Variants in C10orf67 observed in about 807,000 individuals in gnomAD.
The protein encoded by C10orf67 is chromosome 10 open reading frame 67, also known as uncharacterized protein C10orf67, mitochondrial.
A neutral mutation model predicts 35.6 loss-of-function variants in C10orf67; 60 were observed. The observed-to-expected ratio is 1.68, with a 90% CI of 1.37 to 2.09. The LOEUF (loss-of-function observed/expected upper bound fraction) is 2.09. C10orf67 is among the 30% of genes most tolerant of loss of function. The pLI is 0.00. For synonymous variants in C10orf67, 167 were observed against 115.8 expected, an observed-to-expected ratio of 1.44 and a Z score of -2.84; for missense variants, 474 against 330.2, an observed-to-expected ratio of 1.44 and a Z score of -3.38.
intron 13 of C10orf67, among the ~76,000 whole-genome samples, chr10:23,231,215 A>G (rs758659790): frequency 6.6e-6 from 1 of 152,132 alleles, no homozygotes; most frequent in Non-Finnish European, 1.5e-5. Context: ...ATAGACAGAG[A>G]GCACCTTTCT....
intron 10 of C10orf67, among the ~76,000 whole-genome samples, chr10:23,264,607 C>T (rs532136808): frequency 1.3e-5 from 2 of 152,256 alleles, no homozygotes; most frequent in Non-Finnish European, 2.9e-5. Context: ...TATCTCTGCC[C>T]CTTGTGGCTG....
At chr10:23,287,168 G>C (rs565664350) in intron 7 of C10orf67, among the ~76,000 whole-genome samples, 1 of 152,226 alleles carries the variant, frequency 6.6e-6, no homozygotes, top group East Asian at 1.9e-4. Context: ...GTACAGCCAA[G>C]ACAATCCTAA....
At chr10:23,248,671 A>T (rs1481394216) in intron 12 of C10orf67, among the ~76,000 whole-genome samples, 1 of 152,350 alleles carries the variant, frequency 6.6e-6, no homozygotes, top group South Asian at 2.1e-4. Flanking sequence ...ATTAATCTCC[A>T]TATCACACCA....
At chr10:23,309,050 G>A (rs886628432) in intron 4 of C10orf67, among the ~76,000 whole-genome samples, 2 of 151,942 alleles carry the variant, frequency 1.3e-5, no homozygotes, top group African/African-American at 4.8e-5. Context: ...AATAGGTTGG[G>A]TTTATTTTAC....
intron 13 of C10orf67, among the ~76,000 whole-genome samples, chr10:23,227,311 A>C (rs1841768260): frequency 6.6e-6 from 1 of 152,364 alleles, no homozygotes; most frequent in African/African-American, 2.4e-5. Context: ...GTAATCCAGC[A>C]TATAAACAGA....
intron 10 of C10orf67, among the ~76,000 whole-genome samples, chr10:23,258,791 T>C (rs1842671462): frequency 6.6e-6 from 1 of 152,224 alleles, no homozygotes; most frequent in Non-Finnish European, 1.5e-5. Flanking sequence ...CCCCCAGGAA[T>C]ATGGAACATG....
At chr10:23,261,795 C>A (rs1429349687) in intron 10 of C10orf67, among the ~76,000 whole-genome samples, 1 of 151,798 alleles carries the variant, frequency 6.6e-6, no homozygotes, top group Non-Finnish European at 1.5e-5. Context: ...ATAGATGAAT[C>A]AATAAGAGGA....
intron 10 of C10orf67, among the ~76,000 whole-genome samples, chr10:23,265,804 G>C (rs540006513): frequency 6.6e-6 from 1 of 152,322 alleles, no homozygotes; most frequent in African/African-American, 2.4e-5. Flanking sequence ...GGGAAAGGTA[G>C]AAAAGGAGAG....
intron 8 of C10orf67, among the ~76,000 whole-genome samples, chr10:23,281,614 G>C (rs947919439): frequency 6.6e-6 from 1 of 152,236 alleles, no homozygotes; most frequent in African/African-American, 2.4e-5. Context: ...TTTCTTATGA[G>C]ACTAACACAG....
In C10orf67 at chr10:23,344,604, C is replaced by A; in HGVS notation, c.171G>T (p.Arg57=). ...CGCGCATTTGCGGGGGCTTGAATTC[C>A]CGAGCTTCTCGCTTCCTACGCGCGC... The part of the protein sequence containing the change: ...VCCARRKREA[R]EFKPPQMRGS... The change falls in exon 1 of 16, where the codon CGG becomes CGT. Residue 57 remains arginine, a synonymous_variant. Transcript: ENST00000636213. The A allele has an allele frequency of 6.3e-7, 1 of 1,581,872 alleles. No homozygotes were observed. The highest frequency in any genetic ancestry group is 1.8e-5 in the Admixed American group (1 of 55,180).
intron 5 of C10orf67, among the ~76,000 whole-genome samples, chr10:23,300,629 A>C (rs1274635741): frequency 1.3e-5 from 2 of 152,200 alleles, no homozygotes; most frequent in African/African-American, 2.4e-5. Context: ...CCAGAAAGGC[A>C]GTAGGATTTT....
chr10:23,297,868 A>T (rs1222562182), intron 5 of C10orf67, among the ~76,000 whole-genome samples: 1 of 152,202 alleles, frequency 6.6e-6, no homozygotes, highest in Non-Finnish European at 1.5e-5. Context: ...AGCCATTCAC[A>T]TCGTAAGATA....
intron 8 of C10orf67, among the ~76,000 whole-genome samples, chr10:23,276,200 C>T (rs944959557): frequency 7.9e-5 from 12 of 152,146 alleles, no homozygotes; most frequent in African/African-American, 2.9e-4. Flanking sequence ...GGATAATCCA[C>T]TCCTCTTTTC....
At chr10:23,330,613 G>T (rs542905095) in intron 2 of C10orf67, among the ~76,000 whole-genome samples, 2 of 151,728 alleles carry the variant, frequency 1.3e-5, no homozygotes, top group African/African-American at 4.8e-5. Flanking sequence ...GGTGGCCGGC[G>T]CCTGTAGTCC....
intron 9 of C10orf67, 146 bp from the exon 10 acceptor site, chr10:23,266,572 C>G (rs1200417498): frequency 1.0e-5 from 4 of 395,574 alleles, no homozygotes; most frequent in East Asian, 7.2e-5. Context: ...TTCTTGCTCC[C>G]AGGCCCACAA....
rs370222064 is a variant in C10orf67 at position 23,228,331 on chromosome 10, A to C, written c.1435-4513T>G. Among the ~76,000 whole-genome samples, 22 of 152,264 alleles carry C rather than the reference A, an allele frequency of 1.4e-4. No individual in the cohort carries two copies. The South Asian group carries it at 4.2e-3, about 29-fold the overall frequency. On this transcript the variant is annotated intron_variant, in intron 13 of 15. Coordinates refer to ENST00000636213, the MANE Select transcript of C10orf67 (RefSeq NM_001371909.1). ...CTTTGACAAACCTGACAAAAACAAG[A>C]AATGGGGAAAGGATTCCCTATTTAA...
chr10:23,306,931 G>A (rs919036167), intron 4 of C10orf67, among the ~76,000 whole-genome samples: 6 of 152,230 alleles, frequency 3.9e-5, no homozygotes, highest in Admixed American at 3.3e-4. Context: ...TTGACATCAC[G>A]ATTTGTGAAT....
intron 12 of C10orf67, among the ~76,000 whole-genome samples, chr10:23,247,626 A>G (rs991668768): frequency 2.0e-5 from 3 of 152,246 alleles, no homozygotes; most frequent in African/African-American, 7.2e-5. Context: ...ATAACTTTAT[A>G]TCAATAAATT....
At chr10:23,273,124 G>C (rs1170236892) in intron 8 of C10orf67, among the ~76,000 whole-genome samples, 1 of 152,136 alleles carries the variant, frequency 6.6e-6, no homozygotes, top group African/African-American at 2.4e-5. Context: ...TGTCGTCTGG[G>C]AATTTAAAAA....
Sources: gnomAD v4.1 joint callset for allele counts (sites outside exome capture counted in the v4.1 genomes callset) on GRCh38, gnomAD v4.1.1 for gene constraint, MANE v1.5 for transcripts, NCBI Gene and HGNC (gene_info 2026-07-23, HGNC 2026-07-21) for gene names.